BCKDHB: variants seen among roughly 807,000 people sequenced by gnomAD.
BCKDHB encodes branched chain keto acid dehydrogenase E1 subunit beta.
A neutral mutation model predicts 48.5 loss-of-function variants in BCKDHB; 41 were observed. The observed-to-expected ratio is 0.85, with a 90% CI of 0.66 to 1.10. The LOEUF (loss-of-function observed/expected upper bound fraction) is 1.10. Among genes scored for constraint, BCKDHB ranks in the 50% least tolerant of loss-of-function variants. BCKDHB has a pLI of 0.00. For synonymous variants in BCKDHB, 201 were observed against 174.8 expected (o/e 1.15, Z -1.18); for missense variants, 496 against 494.2 (o/e 1.00, Z -0.03).
chr6:80,421,596 A>G, the BCKDHB span, among the ~76,000 whole-genome samples: 1 of 152,240 alleles, frequency 6.6e-6, no homozygotes, highest in Non-Finnish European at 1.5e-5. Context: ...TGGATGGCCA[A>G]TGAAGTCAAG....
intron 9 of BCKDHB, among the ~76,000 whole-genome samples, chr6:80,337,015 A>T (rs1006946833): frequency 6.6e-6 from 1 of 152,132 alleles, no homozygotes; most frequent in East Asian, 1.9e-4. Context: ...ATGAAAAATA[A>T]TATTTTACAT....
At chr6:80,403,389 C>G in the BCKDHB span, among the ~76,000 whole-genome samples, 1,683 of 151,856 alleles carry the variant, frequency 0.011, 16 homozygotes, top group African/African-American at 0.026. Context: ...TCAGATAGTT[C>G]ATTAGCATAT....
At chr6:80,233,366 G>T (rs182034747) in intron 8 of BCKDHB, among the ~76,000 whole-genome samples, 3 of 152,258 alleles carry the variant, frequency 2.0e-5, no homozygotes, top group African/African-American at 7.2e-5. Context: ...TTTACAAAAT[G>T]AATGCTGTAA....
chr6:80,273,474 G>A (rs1777839908), intron 9 of BCKDHB, among the ~76,000 whole-genome samples: 1 of 151,974 alleles, frequency 6.6e-6, no homozygotes, highest in Non-Finnish European at 1.5e-5. Context: ...AATTTTTTAT[G>A]GGAAGAAAGT....
At chr6:80,404,703 A>G in the BCKDHB span, among the ~76,000 whole-genome samples, 4 of 152,022 alleles carry the variant, frequency 2.6e-5, no homozygotes, top group African/African-American at 7.2e-5. Flanking sequence ...TGTTATTGCT[A>G]TAAACTTCTT....
At chr6:80,262,587 T>C (rs1048527100) in intron 8 of BCKDHB, among the ~76,000 whole-genome samples, 3 of 152,218 alleles carry the variant, frequency 2.0e-5, no homozygotes, top group Admixed American at 6.5e-5. Flanking sequence ...ACTATATTCC[T>C]TTGTCAGAAT....
chr6:80,253,842 A>G lies in BCKDHB; in HGVS notation c.952-19293A>G, dbSNP rs79334979. Among the ~76,000 whole-genome samples the G allele has an allele frequency of 9.5e-3, 1,438 of 152,098 alleles. 30 individuals are homozygous for G. The highest frequency in any genetic ancestry group is 0.033 in the African/African-American group (1,369 of 41,528). On this transcript the variant is annotated intron_variant, in intron 8 of 9. Transcript: ENST00000320393. ...TTTAATCCTATAGGAGAGGATAATA[A>G]GTTTTAGCTTTTATAGGCCACTAAT...
At chr6:80,236,589 T>G (rs1776156277) in intron 8 of BCKDHB, among the ~76,000 whole-genome samples, 1 of 152,224 alleles carries the variant, frequency 6.6e-6, no homozygotes, top group Non-Finnish European at 1.5e-5. Context: ...TATTTACTCA[T>G]TTATTCCTTA....
intron 1 of BCKDHB, among the ~76,000 whole-genome samples, chr6:80,121,837 AC>A (rs1159654812): frequency 6.6e-6 from 1 of 151,780 alleles, no homozygotes; most frequent in African/African-American, 2.4e-5. Context: ...CTAATTGAAA[AC>A]CCTTTATTTG....
At chr6:80,200,295 G>A (rs1774328793) in intron 6 of BCKDHB, among the ~76,000 whole-genome samples, 2 of 151,914 alleles carry the variant, frequency 1.3e-5, no homozygotes, top group South Asian at 4.1e-4. Context: ...ATCTTTTTGA[G>A]GTCTACAGTA....
intron 3 of BCKDHB, among the ~76,000 whole-genome samples, chr6:80,138,021 G>A (rs1299639004): frequency 6.6e-6 from 1 of 152,088 alleles, no homozygotes; most frequent in Non-Finnish European, 1.5e-5. Flanking sequence ...GTTTGAGGCT[G>A]CAGTGAGCTG....
At chr6:80,360,143 A>G in the BCKDHB span, among the ~76,000 whole-genome samples, 9 of 152,044 alleles carry the variant, frequency 5.9e-5, no homozygotes, top group African/African-American at 1.9e-4. Context: ...TGCCAAGTGA[A>G]CAATACTTTA....
chr6:80,225,178 A>AT (rs1450204242), intron 8 of BCKDHB, among the ~76,000 whole-genome samples: 1 of 152,120 alleles, frequency 6.6e-6, no homozygotes. Context: ...TCTGACTACC[A>AT]TTTTTTGGAC....
chr6:80,440,136 A>C, the BCKDHB span, among the ~76,000 whole-genome samples: 1 of 152,200 alleles, frequency 6.6e-6, no homozygotes, highest in Non-Finnish European at 1.5e-5. Context: ...ACCTGGCAGC[A>C]GGATGTTAGA....
chr6:80,274,256 TC>T (rs1582483328), intron 9 of BCKDHB, among the ~76,000 whole-genome samples: 4 of 152,004 alleles, frequency 2.6e-5, no homozygotes, highest in Admixed American at 2.6e-4. Flanking sequence ...AAAAACTAGA[TC>T]AAAGTAATCC....
At chr6:80,394,099 C>A in the BCKDHB span, among the ~76,000 whole-genome samples, 1 of 152,088 alleles carries the variant, frequency 6.6e-6, no homozygotes, top group Non-Finnish European at 1.5e-5. Context: ...TAAATTGATT[C>A]TGTTCCTCCA....
the BCKDHB span, among the ~76,000 whole-genome samples, chr6:80,373,367 A>G: frequency 6.6e-6 from 1 of 152,000 alleles, no homozygotes; most frequent in Non-Finnish European, 1.5e-5. Context: ...CTAATGGTCT[A>G]TCAGTTTTAT....
At chr6:80,230,731 G>T (rs1314504279) in intron 8 of BCKDHB, among the ~76,000 whole-genome samples, 2 of 152,156 alleles carry the variant, frequency 1.3e-5, no homozygotes, top group Non-Finnish European at 2.9e-5. Flanking sequence ...ATCTGGCAAG[G>T]ACCTTCTTGC....
chr6:80,393,822 A>G, the BCKDHB span, among the ~76,000 whole-genome samples: 1 of 152,130 alleles, frequency 6.6e-6, no homozygotes, highest in East Asian at 1.9e-4. Context: ...CCTGGACCTC[A>G]TGTATTCCTC....
Sources: gnomAD v4.1 joint callset for allele counts (sites outside exome capture counted in the v4.1 genomes callset) on GRCh38, gnomAD v4.1.1 for gene constraint, MANE v1.5 for transcripts, NCBI Gene and HGNC (gene_info 2026-07-23, HGNC 2026-07-21) for gene names.